PHF24: variants seen among roughly 807,000 people sequenced by gnomAD.
The protein encoded by PHF24 is Galpha inhibitory interacting protein.
PHF24 carries 25 observed loss-of-function variants against 42.6 expected under a neutral mutation model. The ratio of observed to expected loss-of-function variants is 0.59; its 90% confidence interval spans 0.43 to 0.82. The LOEUF (loss-of-function observed/expected upper bound fraction) is 0.82. PHF24 is among the 40% of genes least tolerant of loss of function. The pLI, the probability that PHF24 is intolerant of heterozygous loss-of-function variation, is 0.00. For missense variants in PHF24, 470 were observed against 538.1 expected, an observed-to-expected ratio of 0.87 and a Z score of 1.25; for synonymous variants, 185 against 204.8, an observed-to-expected ratio of 0.90 and a Z score of 0.83.
At chr9:34,966,165 A>G (rs983688064) in intron 1 of PHF24, among the ~76,000 whole-genome samples, 5 of 152,250 alleles carry the variant, frequency 3.3e-5, no homozygotes, top group African/African-American at 9.6e-5. Context: ...ATAAATACAT[A>G]ATTGATAAGC....
the PHF24 span, among the ~76,000 whole-genome samples, chr9:34,721,856 G>C: frequency 6.6e-6 from 1 of 152,184 alleles, no homozygotes; most frequent in Non-Finnish European, 1.5e-5. Context: ...TTTTCATGCA[G>C]TTGATCTCTC....
the PHF24 span, among the ~76,000 whole-genome samples, chr9:34,720,457 A>AC: frequency 1.9e-3 from 284 of 149,802 alleles, 10 homozygotes; most frequent in African/African-American, 6.0e-3. Flanking sequence ...GTCTCAAAAA[A>AC]AAAACAAAAC....
At chr9:34,843,532 T>G in the PHF24 span, among the ~76,000 whole-genome samples, 1 of 152,352 alleles carries the variant, frequency 6.6e-6, no homozygotes, top group African/African-American at 2.4e-5. Flanking sequence ...GAATAAGTAA[T>G]CTTTTTCAGA....
the PHF24 span, among the ~76,000 whole-genome samples, chr9:34,775,120 T>A: frequency 2.0e-5 from 3 of 152,346 alleles, no homozygotes; most frequent in African/African-American, 7.2e-5. Context: ...GTAACAGTAT[T>A]GTTTACAATA....
the PHF24 span, among the ~76,000 whole-genome samples, chr9:34,827,522 G>A: frequency 7.2e-6 from 1 of 139,706 alleles, no homozygotes; most frequent in Non-Finnish European, 1.5e-5. Flanking sequence ...CTAAATGCTG[G>A]GGTCCCATCA....
At chr9:34,735,037 A>G in the PHF24 span, among the ~76,000 whole-genome samples, 1 of 152,184 alleles carries the variant, frequency 6.6e-6, no homozygotes. Flanking sequence ...CTCCCATACT[A>G]AAGTCCTAGC....
the PHF24 span, among the ~76,000 whole-genome samples, chr9:34,865,310 C>T: frequency 6.8e-6 from 1 of 146,460 alleles, no homozygotes; most frequent in Non-Finnish European, 1.5e-5. Context: ...TGCCTGCAAT[C>T]ACAGTACTTT....
the PHF24 span, among the ~76,000 whole-genome samples, chr9:34,944,905 A>AG: frequency 6.6e-6 from 1 of 151,070 alleles, no homozygotes; most frequent in Non-Finnish European, 1.5e-5. Context: ...AAAAAAAAAA[A>AG]GGAAAAAAAG....
the PHF24 span, among the ~76,000 whole-genome samples, chr9:34,862,070 C>T: frequency 3.9e-5 from 6 of 152,254 alleles, no homozygotes; most frequent in East Asian, 1.9e-4. Context: ...TGTCCTCACA[C>T]GGTGGAAGGG....
the PHF24 span, among the ~76,000 whole-genome samples, chr9:34,740,594 C>G: frequency 1.2e-4 from 19 of 152,190 alleles, no homozygotes; most frequent in African/African-American, 4.6e-4. Context: ...CCTCGCGCAG[C>G]CCCGGTTCCC....
chr9:34,944,889 T>TA, the PHF24 span, among the ~76,000 whole-genome samples: 473 of 129,146 alleles, frequency 3.7e-3, 2 homozygotes, highest in South Asian at 0.018. Context: ...CTTGTCTCTT[T>TA]AAAAAAAAAA....
chr9:34,694,203 T>C, the PHF24 span, among the ~76,000 whole-genome samples: 2 of 132,754 alleles, frequency 1.5e-5, no homozygotes, highest in Non-Finnish European at 3.1e-5. Context: ...AGAGTCTCAA[T>C]ATGTCACCCA....
At chr9:34,927,324 G>A in the PHF24 span, among the ~76,000 whole-genome samples, 8 of 152,128 alleles carry the variant, frequency 5.3e-5, no homozygotes, top group African/African-American at 7.2e-5. Flanking sequence ...AGGATGGAGC[G>A]CCCCAGTGCT....
At chr9:34,950,955 G>A in the PHF24 span, among the ~76,000 whole-genome samples, 3 of 152,048 alleles carry the variant, frequency 2.0e-5, no homozygotes, top group Non-Finnish European at 4.4e-5. Flanking sequence ...AAAAAGACAC[G>A]AATTACCAAT....
chr9:34,823,735 T>C, the PHF24 span, among the ~76,000 whole-genome samples: 1 of 152,096 alleles, frequency 6.6e-6, no homozygotes, highest in Non-Finnish European at 1.5e-5. Flanking sequence ...AATGGGATAG[T>C]GAGTCTCTGC....
the PHF24 span, among the ~76,000 whole-genome samples, chr9:34,785,925 T>C: frequency 6.6e-6 from 1 of 152,166 alleles, no homozygotes; most frequent in African/African-American, 2.4e-5. Flanking sequence ...GTATGAGATA[T>C]CAAGGAAAAA....
chr9:34,977,035 A>C (rs1257518539), intron 5 of PHF24, 48 bp from the exon 6 acceptor site: 1 of 1,530,146 alleles, frequency 6.5e-7, no homozygotes, highest in Non-Finnish European at 8.8e-7. Context: ...ATGGCTTGGC[A>C]GTTTACAAGA....
chr9:34,741,074 C>T, the PHF24 span, among the ~76,000 whole-genome samples: 4 of 151,978 alleles, frequency 2.6e-5, no homozygotes, highest in Admixed American at 6.5e-5. Context: ...TTAGTAGAGA[C>T]GGGGTTTCAC....
the PHF24 span, among the ~76,000 whole-genome samples, chr9:34,680,716 A>ATATT: frequency 2.8e-5 from 4 of 141,274 alleles, no homozygotes; most frequent in South Asian, 8.4e-4. Context: ...ATAAAAAAAA[A>ATATT]AATAAAATAA....
Sources: allele counts gnomAD v4.1 joint callset (sites outside exome capture counted in the v4.1 genomes callset), GRCh38; gene constraint gnomAD v4.1.1; transcripts MANE v1.5; gene names NCBI Gene and HGNC (gene_info 2026-07-23, HGNC 2026-07-21).